The following GAS7 variants were observed in gnomAD, a reference collection of about 807,000 sequenced individuals.
GAS7 encodes the protein growth arrest specific 7.
Under a neutral mutation model 71.1 loss-of-function variants are expected in GAS7, and 28 were observed. That is an observed-to-expected ratio of 0.39 (90% CI 0.29 to 0.54). The LOEUF is 0.54. GAS7 is among the 20% of genes least tolerant of loss of function. The pLI is 0.62. For synonymous variants in GAS7, 258 were observed against 245.8 expected, an observed-to-expected ratio of 1.05 and a Z score of -0.46; for missense variants, 436 against 627.8, an observed-to-expected ratio of 0.69 and a Z score of 3.27.
At chr17:10,082,220 A>C (rs1381905781) in intron 1 of GAS7, among the ~76,000 whole-genome samples, 1 of 152,246 alleles carries the variant, frequency 6.6e-6, no homozygotes, top group Non-Finnish European at 1.5e-5. Context: ...AAAGATTTTA[A>C]ACATGCTCAT....
chr17:10,085,706 A>AAAAAAAAAAAAAAGAAAGAAAG (rs1555531934), intron 1 of GAS7, among the ~76,000 whole-genome samples: 1 of 134,944 alleles, frequency 7.4e-6, no homozygotes, highest in Non-Finnish European at 1.5e-5. Flanking sequence ...AAAAAAAAAA[A>AAAAAAAAAAAAAAGAAAGAAAG]AAAGAAAGAA....
chr17:10,135,475 G>A (rs868047945), intron 1 of GAS7, among the ~76,000 whole-genome samples: 5 of 152,220 alleles, frequency 3.3e-5, no homozygotes, highest in African/African-American at 4.8e-5. Context: ...AAAGTCCAGG[G>A]ACTGAGCCCG....
chr17:10,098,043 C>CAAAAAAA (rs34381280), intron 1 of GAS7, among the ~76,000 whole-genome samples: 2,003 of 136,710 alleles, frequency 0.015, 62 homozygotes, highest in African/African-American at 0.05. Flanking sequence ...GACTCCATCT[C>CAAAAAAA]AAAAAAAAAA....
intron 4 of GAS7, among the ~76,000 whole-genome samples, chr17:9,965,510 CG>C (rs1319235048): frequency 6.6e-6 from 1 of 152,016 alleles, no homozygotes; most frequent in African/African-American, 2.4e-5. Flanking sequence ...CAGGACCTAT[CG>C]GGGCGTGGGG....
At position 10,125,525 on chromosome 17, in the gene GAS7, T is replaced by TAA. The variant is rs71365720; in HGVS notation, c.183+72681_183+72682dup. Among the ~76,000 whole-genome samples the TAA allele has an allele frequency of 5.5e-3, 324 of 58,630 alleles. 5 individuals are homozygous for TAA. The highest frequency in any genetic ancestry group is 0.023 in the African/African-American group (312 of 13,718). 38.5% of individuals were successfully genotyped at this position (58,630 alleles called of 152,430 possible). A position where few individuals can be genotyped will look rare whatever the true frequency, so the allele number is the denominator to read the frequency against. ...GGGTGACAAGAGCGAAACTCCATCT[T>TAA]AAAAAAAAAAAGAAAAAAAAAAAAG... On this transcript the variant is annotated intron_variant, in intron 1 of 13. Transcript: ENST00000432992.
At chr17:10,186,400 G>A (rs546158245) in intron 1 of GAS7, among the ~76,000 whole-genome samples, 5 of 128,774 alleles carry the variant, frequency 3.9e-5, no homozygotes, top group Middle Eastern at 4.1e-3. Flanking sequence ...CGTATTCAAA[G>A]GCTTTTTTTT....
chr17:9,951,964 G>C (rs183339799), intron 5 of GAS7, among the ~76,000 whole-genome samples: 1 of 152,138 alleles, frequency 6.6e-6, no homozygotes, highest in Admixed American at 6.5e-5. Context: ...ACTGCTAGCC[G>C]GAAGAGGAGA....
At position 10,103,027 on chromosome 17, in the gene GAS7, A is replaced by G. The variant is rs1165439376; in HGVS notation, c.184-83130T>C. 6.6e-6 allele frequency among the ~76,000 whole-genome samples: 1 copy of G among 152,208 alleles called. No homozygotes were observed. The highest frequency in any genetic ancestry group is 1.5e-5 in the Non-Finnish European group (1 of 68,038). ...GGCACCAGCAGCATTCCTGTCGCCT[A>G]GAAGCTTGTTAGAAATGCAGAATCT... is the stretch of plus-strand genomic sequence containing the variant. On this transcript the variant is annotated intron_variant, in intron 1 of 13. Coordinates refer to ENST00000432992, the MANE Select transcript of GAS7 (RefSeq NM_201433.2). This position sits in a 1 kb window ranked among gnomAD's most constrained non-coding sequence, Gnocchi z 5.5.
intron 1 of GAS7, among the ~76,000 whole-genome samples, chr17:10,176,813 A>G (rs1346648859): frequency 6.6e-6 from 1 of 152,122 alleles, no homozygotes; most frequent in Non-Finnish European, 1.5e-5. Context: ...TCAGCACTCC[A>G]AGATGACCTG....
rs80202132 is a variant in GAS7 at position 9,998,319 on chromosome 17, A to T, written c.305-16435T>A. Among the ~76,000 whole-genome samples, 940 of 152,344 alleles carry T rather than the reference A, an allele frequency of 6.2e-3. 4 individuals are homozygous for T. The highest frequency in any genetic ancestry group is 0.022 in the African/African-American group (908 of 41,564). ...CTTCTCTAAGAACTGCCCAAATCCC[A>T]GTTTGGATACACATGCTATGGGCGT... On this transcript the variant is annotated intron_variant, in intron 2 of 13. Coordinates refer to ENST00000432992, the MANE Select transcript of GAS7 (RefSeq NM_201433.2).
intron 1 of GAS7, among the ~76,000 whole-genome samples, chr17:10,055,678 A>G (rs148971442): frequency 6.6e-6 from 1 of 152,356 alleles, no homozygotes; most frequent in East Asian, 1.9e-4. Flanking sequence ...CTTTATTTTC[A>G]AAGTCTGGTT....
chr17:10,027,064 A>C (rs1322869432), intron 1 of GAS7: 1 of 152,124 alleles, frequency 6.6e-6, no homozygotes, highest in Non-Finnish European at 1.5e-5. Context: ...CAGAGTCTTC[A>C]TTTTCTTCTA....
chr17:9,917,951 T>C, intron 13 of GAS7, 50 bp downstream of exon 13: 1 of 1,339,674 alleles, frequency 7.5e-7, no homozygotes, highest in South Asian at 1.2e-5. Flanking sequence ...GCCAGGCGGC[T>C]CTCCCCAGGC....
chr17:10,115,241 CTGAG>C (rs1445613892), intron 1 of GAS7, among the ~76,000 whole-genome samples: 2 of 152,232 alleles, frequency 1.3e-5, no homozygotes, highest in African/African-American at 2.4e-5. Context: ...TGCACAAGAG[CTGAG>C]TGAGTCACCA....
At chr17:10,010,590 A>C (rs2071730966) in intron 2 of GAS7, among the ~76,000 whole-genome samples, 2 of 152,218 alleles carry the variant, frequency 1.3e-5, no homozygotes, top group Non-Finnish European at 2.9e-5. Flanking sequence ...TATACTGAGA[A>C]ACCCATTGTA....
intron 2 of GAS7, among the ~76,000 whole-genome samples, chr17:10,004,037 C>T (rs963241506): frequency 7.2e-5 from 11 of 152,126 alleles, no homozygotes; most frequent in African/African-American, 2.4e-4. Flanking sequence ...GTGATGAGCT[C>T]GTAGGAGTGG....
At chr17:10,183,130 GA>G (rs1478299746) in intron 1 of GAS7, among the ~76,000 whole-genome samples, 1 of 151,714 alleles carries the variant, frequency 6.6e-6, no homozygotes, top group African/African-American at 2.4e-5. Flanking sequence ...AAACCCTCAG[GA>G]AAATGCTATA....
intron 8 of GAS7, 50 bp downstream of exon 8, chr17:9,940,076 C>T: frequency 9.8e-7 from 1 of 1,024,274 alleles, no homozygotes; most frequent in South Asian, 1.3e-5. Flanking sequence ...ATTTCCCTTC[C>T]TCAGTGACCC....
intron 1 of GAS7, among the ~76,000 whole-genome samples, chr17:10,038,354 C>G (rs1024266699): frequency 3.3e-5 from 5 of 152,062 alleles, no homozygotes; most frequent in Non-Finnish European, 7.4e-5. Flanking sequence ...TGTCTCAAAA[C>G]AAACAAATAA....
Sources: gnomAD v4.1 joint callset for allele counts (sites outside exome capture counted in the v4.1 genomes callset) on GRCh38, gnomAD v4.1.1 for gene constraint, Gnocchi (gnomAD v3.1) non-coding constraint, MANE v1.5 for transcripts, NCBI Gene and HGNC (gene_info 2026-07-23, HGNC 2026-07-21) for gene names.